The following DOK6 variants were observed in gnomAD, a reference collection of about 807,000 sequenced individuals.
The protein encoded by DOK6 is docking protein 6, also known as downstream of tyrosine kinase 6.
Under a neutral mutation model 44.0 loss-of-function variants are expected in DOK6, and 22 were observed. The ratio of observed to expected loss-of-function variants is 0.50; its 90% CI spans 0.36 to 0.71. DOK6 has a LOEUF of 0.71. DOK6 is among the 30% of genes least tolerant of loss of function. The pLI is 0.00. For synonymous variants in DOK6, 166 were observed against 145.5 expected (o/e 1.14, Z -1.01); for missense variants, 340 against 416.4 (o/e 0.82, Z 1.60).
chr18:69,471,479 T>C (rs868002274), intron 1 of DOK6: 44 of 152,164 alleles, frequency 2.9e-4, no homozygotes, highest in African/African-American at 1.0e-3. Flanking sequence ...GACTAGGGCT[T>C]TGTAAGCCGT....
chr18:69,497,071 C>T (rs62095264), intron 1 of DOK6, among the ~76,000 whole-genome samples: 23,103 of 152,030 alleles, frequency 0.15, 1,927 homozygotes, highest in Non-Finnish European at 0.18. Context: ...CTGTCAGTCT[C>T]ATTTTATATT....
At chr18:69,586,837 A>G (rs1429017880) in intron 2 of DOK6, among the ~76,000 whole-genome samples, 1 of 152,168 alleles carries the variant, frequency 6.6e-6, no homozygotes, top group Non-Finnish European at 1.5e-5. Flanking sequence ...CACCTCCCAC[A>G]GGCTGCCCAT....
At chr18:69,512,332 C>CTTCTTCTTTTTTTTTTTTTTTT (rs59109570) in intron 1 of DOK6, among the ~76,000 whole-genome samples, 5 of 91,688 alleles carry the variant, frequency 5.5e-5, no homozygotes, top group African/African-American at 2.3e-4. Flanking sequence ...CTTTCTTCTT[C>CTTCTTCTTTTTTTTTTTTTTTT]TTTTTTTTTT....
intron 1 of DOK6, among the ~76,000 whole-genome samples, chr18:69,498,872 T>C (rs1319809362): frequency 6.6e-6 from 1 of 152,152 alleles, no homozygotes. Flanking sequence ...AAACAAATTT[T>C]CCCGTGTATC....
chr18:69,481,719 A>G (rs1432218942), intron 1 of DOK6, among the ~76,000 whole-genome samples: 10 of 152,116 alleles, frequency 6.6e-5, no homozygotes, highest in Admixed American at 5.9e-4. Flanking sequence ...GTGATTTATA[A>G]TCCTTTGGGT....
At chr18:69,768,982 T>TGTGTG (rs1555669805) in intron 7 of DOK6, among the ~76,000 whole-genome samples, 6 of 151,052 alleles carry the variant, frequency 4.0e-5, no homozygotes, top group South Asian at 2.1e-4. Flanking sequence ...TGTGTGTGTG[T>TGTGTG]TGAATGCCTG....
intron 3 of DOK6, among the ~76,000 whole-genome samples, chr18:69,605,076 TTGTGTGTGTGTGTGTGTGTGTG>T (rs71176987): frequency 2.0e-4 from 25 of 125,856 alleles, no homozygotes; most frequent in East Asian, 6.8e-4. Flanking sequence ...AGAGATCCCT[TTGTGTGTGTGTGTGTGTGTGTG>T]TGTGTGTGTG....
At chr18:69,427,937 C>T (rs1978689464) in intron 1 of DOK6, among the ~76,000 whole-genome samples, 1 of 152,004 alleles carries the variant, frequency 6.6e-6, no homozygotes, top group African/African-American at 2.4e-5. Context: ...ACCACCACAC[C>T]CAGCTAATTT....
chr18:69,440,132 G>A (rs1264987119), intron 1 of DOK6, among the ~76,000 whole-genome samples: 5 of 152,166 alleles, frequency 3.3e-5, no homozygotes, highest in Non-Finnish European at 7.4e-5. Flanking sequence ...AGAAGAGGGA[G>A]AGAAGTGGGA....
intron 1 of DOK6, among the ~76,000 whole-genome samples, chr18:69,504,558 C>T (rs1187532965): frequency 1.3e-5 from 2 of 151,898 alleles, no homozygotes; most frequent in Non-Finnish European, 2.9e-5. Flanking sequence ...TTGCATCCAA[C>T]GAATATTACA....
At chr18:69,700,746 G>A (rs1160846892) in intron 5 of DOK6, among the ~76,000 whole-genome samples, 1 of 152,130 alleles carries the variant, frequency 6.6e-6, no homozygotes, top group Admixed American at 6.6e-5. Flanking sequence ...GGAAGGTCTT[G>A]TCCATACTTG....
Position 69,803,649 on chromosome 18 carries a change from G to A in DOK6, c.857-37595G>A, listed in dbSNP as rs570578485. Among the ~76,000 whole-genome samples the A allele has an allele frequency of 8.5e-5, 13 of 152,240 alleles. No individual in the cohort carries two copies. In the South Asian group the frequency reaches 2.1e-3, roughly 24 times the overall value. On this transcript the variant is annotated intron_variant, in intron 7 of 7. Coordinates refer to ENST00000382713, the MANE Select transcript of DOK6 (RefSeq NM_152721.6). ...GAGGCCGAGGCAGGTGGATCACGAGGTCAGAGATCGAGACCATCCTGGCCA... is the reference window on the plus strand; with the variant it reads ...GAGGCCGAGGCAGGTGGATCACGAGATCAGAGATCGAGACCATCCTGGCCA...
chr18:69,561,309 A>C (rs1011258655), intron 1 of DOK6, among the ~76,000 whole-genome samples: 3 of 152,138 alleles, frequency 2.0e-5, no homozygotes, highest in Non-Finnish European at 2.9e-5. Context: ...CCACTATATC[A>C]AACTGTCTCT....
At chr18:69,508,845 G>A (rs1256382966) in intron 1 of DOK6, among the ~76,000 whole-genome samples, 1 of 152,200 alleles carries the variant, frequency 6.6e-6, no homozygotes, top group Admixed American at 6.5e-5. Context: ...AAATGAGAAT[G>A]AGTGATATAG....
chr18:69,614,451 T>C (rs1373980759), intron 3 of DOK6, among the ~76,000 whole-genome samples: 2 of 152,284 alleles, frequency 1.3e-5, no homozygotes, highest in East Asian at 3.9e-4. Context: ...TGCAACTTGA[T>C]GTTTCAATAT....
intron 7 of DOK6, among the ~76,000 whole-genome samples, chr18:69,786,768 C>T (rs938096921): frequency 6.6e-6 from 1 of 152,172 alleles, no homozygotes; most frequent in Non-Finnish European, 1.5e-5. Context: ...ATACAGTAAA[C>T]TTTGACATTT....
chr18:69,760,639 C>T (rs1381430540), intron 7 of DOK6, among the ~76,000 whole-genome samples: 2 of 151,918 alleles, frequency 1.3e-5, no homozygotes, highest in African/African-American at 4.8e-5. Flanking sequence ...TCTTGTATTA[C>T]TTCTCCCTAC....
At chr18:69,755,880 G>A (rs549402780) in intron 6 of DOK6, among the ~76,000 whole-genome samples, 44 of 152,300 alleles carry the variant, frequency 2.9e-4, no homozygotes, top group African/African-American at 1.0e-3. Flanking sequence ...TTAAGCAAAA[G>A]GGGAGCTCTC....
chr18:69,687,056 A>T (rs1468710883), intron 4 of DOK6, among the ~76,000 whole-genome samples: 2 of 152,212 alleles, frequency 1.3e-5, no homozygotes, highest in African/African-American at 4.8e-5. Flanking sequence ...TCATTTCACA[A>T]CTCATTTTAT....
Sources: gnomAD v4.1 joint callset for allele counts (sites outside exome capture counted in the v4.1 genomes callset) on GRCh38, gnomAD v4.1.1 for gene constraint, MANE v1.5 for transcripts, NCBI Gene and HGNC (gene_info 2026-07-23, HGNC 2026-07-21) for gene names.